The following CBR4 variants were observed in gnomAD, a reference collection of about 807,000 sequenced individuals.
CBR4 encodes the protein carbonyl reductase 4.
Under a neutral mutation model 21.0 loss-of-function variants are expected in CBR4, and 22 were observed. The ratio of observed to expected loss-of-function variants is 1.05; its 90% confidence interval spans 0.75 to 1.50. CBR4 has a LOEUF of 1.50. Among genes scored for constraint, CBR4 ranks in the 40% most tolerant of loss-of-function variants. CBR4 has a pLI of 0.00. For synonymous variants in CBR4, 100 were observed against 104.4 expected (o/e 0.96, Z 0.26); for missense variants, 302 against 286.3 (o/e 1.05, Z -0.40).
At chr4:168,920,955 G>C (rs1424567771) in intron 2 of CBR4, among the ~76,000 whole-genome samples, 1 of 152,032 alleles carries the variant, frequency 6.6e-6, no homozygotes, top group Non-Finnish European at 1.5e-5. Context: ...CCATAGCCCT[G>C]GGCAAGGTAA....
intron 2 of CBR4, among the ~76,000 whole-genome samples, chr4:168,930,421 A>C (rs1202947768): frequency 6.6e-6 from 1 of 152,240 alleles, no homozygotes; most frequent in Non-Finnish European, 1.5e-5. Context: ...ATACAATGAA[A>C]TATTACTTAC....
chr4:168,958,158 G>A (rs1206361735), intron 2 of CBR4, among the ~76,000 whole-genome samples: 1 of 152,040 alleles, frequency 6.6e-6, no homozygotes, highest in Non-Finnish European at 1.5e-5. Context: ...CAGCTACTCG[G>A]GAGGCTGAGA....
chr4:169,007,022 A>C, intron 2 of CBR4, 131 bp from the exon 3 acceptor site: 3 of 663,258 alleles, frequency 4.5e-6, no homozygotes, highest in Non-Finnish European at 2.6e-6. Flanking sequence ...TAGAATACCT[A>C]GAGTCCCATT....
At chr4:168,968,264 G>A (rs1450515368) in intron 2 of CBR4, among the ~76,000 whole-genome samples, 2 of 152,184 alleles carry the variant, frequency 1.3e-5, no homozygotes, top group East Asian at 1.9e-4. Context: ...CCAAACAAGT[G>A]TAATAAAAAT....
chr4:168,985,864 C>A (rs72975271), downstream of CBR4, among the ~76,000 whole-genome samples: 415 of 152,122 alleles, frequency 2.7e-3, no homozygotes, highest in African/African-American at 9.6e-3. Context: ...CCTGAGTATA[C>A]ATGGACACAA....
intron 4 of CBR4, among the ~76,000 whole-genome samples, chr4:168,991,814 A>T (rs149791508): frequency 0.02 from 3,023 of 152,320 alleles, 47 homozygotes; most frequent in South Asian, 0.074. Flanking sequence ...AATAGAAAAA[A>T]ATTTTTAAGG....
rs773065997 is a variant in CBR4, at chr4:168,925,106, G to A, written n.170-30341C>T. The A allele has an allele frequency of 1.1e-5, 17 of 1,611,204 alleles. No individual in the cohort carries two copies. In the South Asian group the frequency reaches 1.9e-4, roughly 18 times the overall value. On this transcript the variant is annotated intron_variant and non_coding_transcript_variant, in intron 2 of 3. Coordinates refer to the CBR4 transcript ENST00000509108. Reference sequence around the variant, plus strand: ...GAGTGCCACTTCATCTCATTTCATTGCGTTTACTCATTAAATTATGAAAAA... The same window carrying A: ...GAGTGCCACTTCATCTCATTTCATTACGTTTACTCATTAAATTATGAAAAA...
chr4:168,960,310 C>G (rs1763808955), intron 2 of CBR4, among the ~76,000 whole-genome samples: 1 of 152,092 alleles, frequency 6.6e-6, no homozygotes, highest in Non-Finnish European at 1.5e-5. Flanking sequence ...CCAGTGTCTA[C>G]TATTATTTGA....
rs567095866 is a variant in CBR4, at chr4:168,918,190, CA to C, written n.170-23426del. ...AGAACAAGACTCCCCGTCTCCCCCA[CA>C]AAAAAAAAAAAAGAAAAGAAAATGA... On this transcript the variant is annotated intron_variant and non_coding_transcript_variant, in intron 2 of 3. Transcript: ENST00000509108. Among the ~76,000 whole-genome samples the C allele has an allele frequency of 6.6e-3, 779 of 118,004 alleles. 4 individuals carry two copies. The highest frequency in any genetic ancestry group is 0.019 in the African/African-American group (595 of 31,314). The allele number at this position is 118,004 out of a possible 152,430, so 77.4% of individuals were successfully genotyped here.
At chr4:168,943,591 G>C (rs1218534255) in intron 2 of CBR4, among the ~76,000 whole-genome samples, 1 of 152,142 alleles carries the variant, frequency 6.6e-6, no homozygotes, top group Non-Finnish European at 1.5e-5. Flanking sequence ...TCAGAGAGAA[G>C]TTGAACATGT....
intron 2 of CBR4, among the ~76,000 whole-genome samples, chr4:168,954,291 G>A (rs1263641465): frequency 1.3e-5 from 2 of 152,136 alleles, no homozygotes; most frequent in East Asian, 3.8e-4. Flanking sequence ...ATGTTTCCAA[G>A]CTAGTATTCT....
rs570289103 is a variant in CBR4, at chr4:169,009,976, C to T, written c.114G>A (p.Gly38=). ...RLAVIARNLE[G]AKAAAGDLGG... is the part of the protein sequence containing the mutation. The stretch of plus-strand genomic sequence containing the variant: ...CGAGGTCACCGGCGGCGGCTTTGGC[C>T]CCTTCCAGGTTTCTGGCAATGACCG... The change falls in exon 1 of 5, where the codon GGG becomes GGA. Residue 38 remains glycine (G), a synonymous_variant. Coordinates refer to ENST00000306193, the MANE Select transcript of CBR4 (RefSeq NM_032783.5). 3 of 1,612,876 alleles carry T rather than the reference C, an allele frequency of 1.9e-6. No homozygotes were observed. Among genetic ancestry groups the T allele is most frequent in the African/African-American group, 1.3e-5 (1 of 75,006 alleles).
intron 2 of CBR4, among the ~76,000 whole-genome samples, chr4:168,906,574 T>C (rs1757843164): frequency 6.6e-6 from 1 of 152,178 alleles, no homozygotes; most frequent in Admixed American, 6.5e-5. Context: ...TATCACATTG[T>C]ACCCCACAAA....
At position 168,988,798 on chromosome 4, in the gene CBR4, A is replaced by G. The variant is rs781587975; in HGVS notation, c.*1352T>C. 61 of 953,214 alleles carry G rather than the reference A, an allele frequency of 6.4e-5. No homozygotes were observed. Among genetic ancestry groups the G allele is most frequent in the Non-Finnish European group, 7.2e-5 (58 of 800,704 alleles). 59.0% of individuals were successfully genotyped at this position (953,214 alleles called of 1,614,324 possible). A position where few individuals can be genotyped will look rare whatever the true frequency, so the allele number is the denominator to read the frequency against. On this transcript the variant is annotated 3_prime_UTR_variant, in exon 5 of 5. Transcript: ENST00000306193. ...TAAAATAATTTTTAAGGAACCCAGAATTTTTATTTAGAACACTGCTTTGAC... is the reference window on the plus strand; with the variant it reads ...TAAAATAATTTTTAAGGAACCCAGAGTTTTTATTTAGAACACTGCTTTGAC...
chr4:168,896,681 T>TA, intron 2 of CBR4: 1 of 764,944 alleles, frequency 1.3e-6, no homozygotes, highest in Admixed American at 2.4e-5. Context: ...CGTGTGTTTC[T>TA]ATCTTTTCTG....
intron 2 of CBR4, among the ~76,000 whole-genome samples, chr4:168,905,399 C>T (rs555539926): frequency 8.3e-4 from 126 of 151,854 alleles, no homozygotes; most frequent in African/African-American, 2.8e-3. Context: ...CCGCCCGCCT[C>T]GGCCTCCCAA....
rs1731323254 is a variant in CBR4 at position 169,010,244 on chromosome 4, C to T, written c.-155G>A. The T allele has an allele frequency of 1.0e-5, 7 of 674,832 alleles. No homozygotes were observed. Among genetic ancestry groups the T allele is most frequent in the Non-Finnish European group, 2.4e-6 (1 of 418,090 alleles). The allele number at this position is 674,832 out of a possible 1,614,324, so 41.8% of individuals were successfully genotyped here. A position where few individuals can be genotyped will look rare whatever the true frequency, so the allele number is the denominator to read the frequency against. On this transcript the variant is annotated 5_prime_UTR_variant, in exon 1 of 5. Transcript: ENST00000306193. ...TAACGCCGCTCGACACCTCCTGCAG[C>T]CGCACAATAGTAATGCAAGACGCCG... is the stretch of plus-strand genomic sequence containing the variant.
chr4:168,930,203 A>T (rs1266063338), intron 2 of CBR4, among the ~76,000 whole-genome samples: 1 of 152,214 alleles, frequency 6.6e-6, no homozygotes, highest in Non-Finnish European at 1.5e-5. Flanking sequence ...TAATTACTTA[A>T]AAATAATTTG....
rs1764914792 is a variant in CBR4 at position 168,991,365 on chromosome 4, AG to A, written c.536-1038del. The stretch of plus-strand genomic sequence containing the variant: ...AGAATACATTAATTTTCACTTAGGT[AG>A]GGATAGAAAAGTAGAAAGTAGTGTC... On this transcript the variant is annotated intron_variant, in intron 4 of 4. Transcript: ENST00000306193. Among the ~76,000 whole-genome samples, 4 of 152,338 alleles carry A rather than the reference AG, an allele frequency of 2.6e-5. No homozygotes were observed. The East Asian group carries it at 7.7e-4, about 29-fold the overall frequency.
Sources: allele counts gnomAD v4.1 joint callset (sites outside exome capture counted in the v4.1 genomes callset), GRCh38; gene constraint gnomAD v4.1.1; transcripts MANE v1.5; gene names NCBI Gene and HGNC (gene_info 2026-07-23, HGNC 2026-07-21).